Variants in ANO2 observed in about 807,000 individuals in gnomAD.
ANO2 encodes the protein anoctamin 2, also known as anoctamin-2.
Under a neutral mutation model 124.2 loss-of-function variants are expected in ANO2, and 101 were observed. That is an observed-to-expected ratio of 0.81 (90% confidence interval 0.69 to 0.96). The LOEUF is 0.96. ANO2 is among the 40% of genes least tolerant of loss of function. The pLI is 0.00. For synonymous variants in ANO2, 486 were observed against 482.5 expected, an observed-to-expected ratio of 1.01 and a Z score of -0.09; for missense variants, 1,293 against 1,274.5, an observed-to-expected ratio of 1.01 and a Z score of -0.22.
intron 14 of ANO2, among the ~76,000 whole-genome samples, chr12:5,713,034 A>C (rs756247060): frequency 1.3e-5 from 2 of 152,228 alleles, no homozygotes; most frequent in Non-Finnish European, 2.9e-5. Context: ...TCAGATCTGC[A>C]TTCTGGATGG....
At chr12:5,700,370 T>C (rs1949353409) in intron 14 of ANO2, among the ~76,000 whole-genome samples, 1 of 152,122 alleles carries the variant, frequency 6.6e-6, no homozygotes, top group Admixed American at 6.5e-5. Context: ...AAGGCAGAAA[T>C]AAAGATGTTC....
intron 3 of ANO2, among the ~76,000 whole-genome samples, chr12:5,856,967 T>C (rs1218638661): frequency 6.6e-6 from 1 of 152,236 alleles, no homozygotes; most frequent in African/African-American, 2.4e-5. Flanking sequence ...TTTGTGGATC[T>C]AGTCATGTTC....
chr12:5,885,674 C>T (rs1419334047), intron 3 of ANO2, among the ~76,000 whole-genome samples: 1 of 152,210 alleles, frequency 6.6e-6, no homozygotes, highest in Non-Finnish European at 1.5e-5. Flanking sequence ...CACTGTGCAA[C>T]GTTACTAGCT....
intron 14 of ANO2, among the ~76,000 whole-genome samples, chr12:5,695,636 T>A (rs141096981): frequency 5.2e-4 from 79 of 151,766 alleles, no homozygotes; most frequent in African/African-American, 1.9e-3. Flanking sequence ...AGGTCAGGAG[T>A]TCGAAACCAG....
At chr12:5,829,184 G>C (rs1954076304) in intron 6 of ANO2, among the ~76,000 whole-genome samples, 1 of 152,036 alleles carries the variant, frequency 6.6e-6, no homozygotes, top group Admixed American at 6.5e-5. Flanking sequence ...TAATAATTAG[G>C]AACAGCACTT....
At chr12:5,610,108 AT>A (rs999943395) in intron 19 of ANO2, among the ~76,000 whole-genome samples, 12 of 132,680 alleles carry the variant, frequency 9.0e-5, no homozygotes, top group African/African-American at 2.0e-4. Context: ...ATTATATTTT[AT>A]TTTTTAAGTA....
At chr12:5,766,395 C>T (rs1000095804) in intron 10 of ANO2, among the ~76,000 whole-genome samples, 1 of 152,220 alleles carries the variant, frequency 6.6e-6, no homozygotes, top group Non-Finnish European at 1.5e-5. Context: ...TACAACTACA[C>T]ATGACCACAC....
chr12:5,751,038 G>C (rs955362506), intron 10 of ANO2, 68 bp from the exon 11 acceptor site: 25 of 1,451,154 alleles, frequency 1.7e-5, no homozygotes, highest in South Asian at 2.7e-5. Flanking sequence ...ATTTCTGTTT[G>C]TTCTATGCCT....
chr12:5,912,492 A>G (rs1156296264), intron 3 of ANO2, among the ~76,000 whole-genome samples: 2 of 152,164 alleles, frequency 1.3e-5, no homozygotes, highest in Non-Finnish European at 2.9e-5. Flanking sequence ...TAATGTTTTC[A>G]TTATAGAGTC....
At chr12:5,824,346 A>G (rs867764885) in intron 7 of ANO2, among the ~76,000 whole-genome samples, 3 of 152,324 alleles carry the variant, frequency 2.0e-5, no homozygotes, top group African/African-American at 7.2e-5. Context: ...TCGCCTCTTG[A>G]ATGCTTTGCT....
At chr12:5,585,572 G>C (rs1354964248) in intron 20 of ANO2, among the ~76,000 whole-genome samples, 1 of 152,168 alleles carries the variant, frequency 6.6e-6, no homozygotes, top group Non-Finnish European at 1.5e-5. Context: ...CCACTTCCTG[G>C]AGGACAGACT....
At chr12:5,792,965 G>A (rs1952739893) in intron 10 of ANO2, among the ~76,000 whole-genome samples, 1 of 152,188 alleles carries the variant, frequency 6.6e-6, no homozygotes, top group African/African-American at 2.4e-5. Flanking sequence ...CCCCACCAGT[G>A]AGTCCCAAGA....
chr12:5,707,758 T>C (rs1451127291), intron 14 of ANO2, among the ~76,000 whole-genome samples: 1 of 152,226 alleles, frequency 6.6e-6, no homozygotes, highest in Non-Finnish European at 1.5e-5. Context: ...TGGTCTCTCC[T>C]TCCTCTGAAC....
At chr12:5,647,910 G>T in intron 14 of ANO2, 109 bp from the exon 15 acceptor site, 1 of 805,248 alleles carries the variant, frequency 1.2e-6, no homozygotes. Context: ...ACTCTATATA[G>T]ATATATTTCT....
intron 9 of ANO2, among the ~76,000 whole-genome samples, chr12:5,802,599 T>C (rs1953075516): frequency 6.6e-6 from 1 of 151,978 alleles, no homozygotes; most frequent in African/African-American, 2.4e-5. Context: ...GGACCAGCAC[T>C]CAGGGTGAAG....
chr12:5,732,721 G>A (rs1297860206), intron 13 of ANO2, 91 bp from the exon 14 acceptor site: 41 of 1,525,880 alleles, frequency 2.7e-5, no homozygotes, highest in Non-Finnish European at 3.7e-5. Flanking sequence ...ATTAACGTCA[G>A]CGTTTAGGAT....
chr12:5,671,377 A>G (rs979206094), intron 14 of ANO2, among the ~76,000 whole-genome samples: 3 of 152,136 alleles, frequency 2.0e-5, no homozygotes, highest in African/African-American at 7.2e-5. Context: ...GTGTATTAGC[A>G]AACTCTGCCG....
chr12:5,879,993 T>G (rs6489669), intron 3 of ANO2, among the ~76,000 whole-genome samples: 73,121 of 151,658 alleles, frequency 0.48, 17,795 homozygotes, highest in South Asian at 0.59. Flanking sequence ...CACACAAGGG[T>G]AGATAGTGAG....
intron 1 of ANO2, among the ~76,000 whole-genome samples, chr12:5,923,247 TACACACACATACAC>T (rs1464253330): frequency 4.4e-4 from 19 of 42,892 alleles, no homozygotes; most frequent in Middle Eastern, 0.028. Flanking sequence ...CACACACGCA[TACACACACATACAC>T]ACACACACAC....
Sources: gnomAD v4.1 joint callset for allele counts (sites outside exome capture counted in the v4.1 genomes callset) on GRCh38, gnomAD v4.1.1 for gene constraint, MANE v1.5 for transcripts, NCBI Gene and HGNC (gene_info 2026-07-23, HGNC 2026-07-21) for gene names.